Variants in ZC3HAV1 observed in about 807,000 individuals in gnomAD.
The protein encoded by ZC3HAV1 is zinc finger CCCH-type containing, antiviral 1.
A neutral mutation model predicts 86.6 loss-of-function variants in ZC3HAV1; 41 were observed. The observed-to-expected ratio is 0.47, with a 90% confidence interval of 0.37 to 0.61. The LOEUF is 0.61. ZC3HAV1 is among the 20% of genes least tolerant of loss of function. The pLI is 0.00. For missense variants in ZC3HAV1, 964 were observed against 1,141.1 expected (o/e 0.84, Z 2.24); for synonymous variants, 421 against 432.1 (o/e 0.97, Z 0.32).
chr7:139,079,289 T>C (rs1281163314), intron 4 of ZC3HAV1, 181 bp downstream of exon 4: 2 of 1,537,334 alleles, frequency 1.3e-6, no homozygotes, highest in South Asian at 2.4e-5. Context: ...GGGGACCAGG[T>C]TCCTCAGACT....
intron 7 of ZC3HAV1, among the ~76,000 whole-genome samples, chr7:139,070,499 C>A (rs964981810): frequency 2.0e-5 from 3 of 150,908 alleles, no homozygotes; most frequent in Non-Finnish European, 4.4e-5. Flanking sequence ...CCCGTCTCTA[C>A]TAAAAATATA....
chr7:139,054,764 G>C (rs1448234024), intron 10 of ZC3HAV1, among the ~76,000 whole-genome samples: 4 of 152,090 alleles, frequency 2.6e-5, no homozygotes, highest in Non-Finnish European at 5.9e-5. Context: ...TGATCTAAGA[G>C]TGTTTGTTGT....
chr7:139,073,680 G>C (rs775908819), intron 7 of ZC3HAV1, among the ~76,000 whole-genome samples, 176 bp downstream of exon 7: 1 of 152,040 alleles, frequency 6.6e-6, no homozygotes, highest in Non-Finnish European at 1.5e-5. Flanking sequence ...TAATAGAGAT[G>C]GGGTTTCACC....
intron 7 of ZC3HAV1, among the ~76,000 whole-genome samples, chr7:139,065,564 A>G (rs1233892129): frequency 2.6e-5 from 4 of 152,200 alleles, no homozygotes; most frequent in African/African-American, 4.8e-5. Flanking sequence ...CTGCTAGCCA[A>G]CTAACTGAAA....
intron 6 of ZC3HAV1, among the ~76,000 whole-genome samples, chr7:139,075,176 C>T (rs930217665): frequency 1.3e-5 from 2 of 152,166 alleles, no homozygotes; most frequent in African/African-American, 4.8e-5. Flanking sequence ...AGAAACCCGG[C>T]TCTCCACTTG....
rs943639909 is a variant in ZC3HAV1 at position 139,070,247 on chromosome 7, T to C, written c.1872+3609A>G. Among the ~76,000 whole-genome samples, 3 of 152,292 alleles carry C rather than the reference T, an allele frequency of 2.0e-5. 1 individual carries two copies. The highest frequency in any genetic ancestry group is 4.1e-4 in the South Asian group (2 of 4,828). On this transcript the variant is annotated intron_variant, in intron 7 of 12. Transcript: ENST00000242351. ...AATACAACATTCATGTGTTTGCAGA[T>C]TGAATGTTACATTCTAAAAACTCCA...
At position 139,060,233 on chromosome 7, in the gene ZC3HAV1, T is replaced by C. The variant is rs530045513; in HGVS notation, c.2096+803A>G. ...TTTTTCATCAAATAGCTTGAATTCT[T>C]ACAACCAAAAGAACCTAGTTAGAAC... is the stretch of plus-strand genomic sequence containing the variant. On this transcript the variant is annotated intron_variant, in intron 9 of 12. Transcript: ENST00000242351. 21 of 985,302 alleles carry C rather than the reference T, an allele frequency of 2.1e-5. 2 individuals carry two copies. In the South Asian group the frequency reaches 8.9e-4, roughly 42 times the overall value. The allele number at this position is 985,302 out of a possible 1,614,324, so 61.0% of individuals were successfully genotyped here. A position where few individuals can be genotyped will look rare whatever the true frequency, so the allele number is the denominator to read the frequency against.
At chr7:139,086,409 C>T (rs1817273917) in intron 2 of ZC3HAV1, among the ~76,000 whole-genome samples, 1 of 151,954 alleles carries the variant, frequency 6.6e-6, no homozygotes, top group African/African-American at 2.4e-5. Context: ...CCACCCCACC[C>T]TCTAATTGTG....
At chr7:139,092,426 T>C (rs1817463670) in intron 1 of ZC3HAV1, among the ~76,000 whole-genome samples, 2 of 152,194 alleles carry the variant, frequency 1.3e-5, no homozygotes, top group Admixed American at 1.3e-4. Context: ...GGGCATTACA[T>C]AGCAACTTGT....
At chr7:139,064,135 G>A (rs1038570573) in intron 8 of ZC3HAV1, among the ~76,000 whole-genome samples, 6 of 152,188 alleles carry the variant, frequency 3.9e-5, no homozygotes, top group Admixed American at 6.5e-5. Context: ...TAAAAGCTAC[G>A]TCATCTAAGG....
At chr7:139,105,104 C>T (rs1389703891) in intron 1 of ZC3HAV1, among the ~76,000 whole-genome samples, 1 of 151,278 alleles carries the variant, frequency 6.6e-6, no homozygotes, top group Non-Finnish European at 1.5e-5. Context: ...GTCCCAGCTA[C>T]TCAGGAGGCT....
At chr7:139,059,315 A>C (rs1003612407) in intron 9 of ZC3HAV1, among the ~76,000 whole-genome samples, 1 of 152,184 alleles carries the variant, frequency 6.6e-6, no homozygotes, top group Non-Finnish European at 1.5e-5. Flanking sequence ...ATTAATTTGA[A>C]TATTTAAACT....
At chr7:139,088,062 A>G (rs1031450573) in intron 2 of ZC3HAV1, among the ~76,000 whole-genome samples, 1 of 151,414 alleles carries the variant, frequency 6.6e-6, no homozygotes, top group African/African-American at 2.4e-5. Flanking sequence ...AAAAGAAAAA[A>G]GAAAAAAAAA....
intron 1 of ZC3HAV1, among the ~76,000 whole-genome samples, chr7:139,097,410 A>ATTTTTTTTTTTT (rs1563140546): frequency 2.7e-5 from 2 of 73,178 alleles, no homozygotes. Flanking sequence ...CCATATATAT[A>ATTTTTTTTTTTT]TATATATATA....
Position 139,070,608 on chromosome 7 carries a change from A to G in ZC3HAV1, c.1872+3248T>C, listed in dbSNP as rs548603908. On this transcript the variant is annotated intron_variant, in intron 7 of 12. Coordinates refer to ENST00000242351, the MANE Select transcript of ZC3HAV1 (RefSeq NM_020119.4). ...GAACACGGGAGGCGGGGCTTGCAGT[A>G]AGCCGAGATCGCGCCACTGCACTCC... 2.4e-3 allele frequency among the ~76,000 whole-genome samples: 341 copies of G among 141,810 alleles called. 1 individual carries two copies. The highest frequency in any genetic ancestry group is 7.0e-3 in the African/African-American group (259 of 36,754). 93.0% of individuals were successfully genotyped at this position (141,810 alleles called of 152,430 possible).
chr7:139,088,098 A>G (rs1263825702), intron 2 of ZC3HAV1, among the ~76,000 whole-genome samples: 1 of 151,646 alleles, frequency 6.6e-6, no homozygotes, highest in African/African-American at 2.4e-5. Flanking sequence ...AACTTTACTT[A>G]CATTTTCTCC....
At chr7:139,097,195 A>G (rs1348055230) in intron 1 of ZC3HAV1, among the ~76,000 whole-genome samples, 1 of 150,162 alleles carries the variant, frequency 6.7e-6, no homozygotes, top group East Asian at 1.9e-4. Context: ...AAAATAAATG[A>G]ATAAAAATGC....
At chr7:139,069,601 C>T (rs1816709873) in intron 7 of ZC3HAV1, among the ~76,000 whole-genome samples, 1 of 152,168 alleles carries the variant, frequency 6.6e-6, no homozygotes, top group African/African-American at 2.4e-5. Context: ...CATTGCTGCC[C>T]AACTGCCCAT....
At chr7:139,097,228 C>T (rs1462305942) in intron 1 of ZC3HAV1, among the ~76,000 whole-genome samples, 1 of 149,376 alleles carries the variant, frequency 6.7e-6, no homozygotes, top group Admixed American at 6.7e-5. Flanking sequence ...CCCAACCCTC[C>T]TCTTCGGAAC....
Sources: gnomAD v4.1 joint callset for allele counts (sites outside exome capture counted in the v4.1 genomes callset) on GRCh38, gnomAD v4.1.1 for gene constraint, MANE v1.5 for transcripts, NCBI Gene and HGNC (gene_info 2026-07-23, HGNC 2026-07-21) for gene names.